The following PACRG variants were observed in gnomAD, a reference collection of about 807,000 sequenced individuals.
PACRG encodes the protein parkin coregulated.
A neutral mutation model predicts 29.7 loss-of-function variants in PACRG; 29 were observed. The observed-to-expected ratio is 0.98, with a 90% CI of 0.73 to 1.33. The LOEUF is 1.33. PACRG is among the 40% of genes most tolerant of loss of function. The probability of loss-of-function intolerance (pLI) is 0.00; values close to 1 mark genes in which losing one functional copy is unlikely to be tolerated. For synonymous variants in PACRG, 116 were observed against 118.7 expected (o/e 0.98, Z 0.15); for missense variants, 279 against 316.2 (o/e 0.88, Z 0.89).
upstream of PACRG, chr6:162,727,751 T>C (rs968685704): frequency 4.2e-6 from 6 of 1,429,706 alleles, no homozygotes; most frequent in Middle Eastern, 1.8e-4. Context: ...CCAGCGGCTC[T>C]CCTGGGTTAA....
At chr6:163,133,974 T>G (rs1170130686) in intron 4 of PACRG, among the ~76,000 whole-genome samples, 2 of 152,348 alleles carry the variant, frequency 1.3e-5, no homozygotes, top group Non-Finnish European at 2.9e-5. Context: ...CTTATATATG[T>G]GCATATACAC....
chr6:163,313,382 A>T (rs1233916226), intron 4 of PACRG, among the ~76,000 whole-genome samples: 1 of 152,136 alleles, frequency 6.6e-6, no homozygotes, highest in East Asian at 1.9e-4. Flanking sequence ...AAGGATAGAA[A>T]TTTATTGTGT....
At chr6:163,083,929 G>A (rs1415848036) in intron 3 of PACRG, among the ~76,000 whole-genome samples, 1 of 151,690 alleles carries the variant, frequency 6.6e-6, no homozygotes, top group Non-Finnish European at 1.5e-5. Flanking sequence ...ATAAAATAGT[G>A]GATTTTATGC....
In PACRG at chr6:163,252,538, G is replaced by A. The variant is rs540979215; in HGVS notation, c.614-62289G>A. Among the ~76,000 whole-genome samples the A allele has an allele frequency of 1.7e-3, 261 of 152,316 alleles. 3 individuals are homozygous for A. Among genetic ancestry groups the A allele is most frequent in the Non-Finnish European group, 1.4e-3 (94 of 68,026 alleles). On this transcript the variant is annotated intron_variant, in intron 4 of 4. Transcript: ENST00000366888. ...CGCTGATGAGAGCCCCGCTGTGAAG[G>A]CCAGAGGGGCAGTGCTGCAGGCGGG... is the stretch of plus-strand genomic sequence containing the variant.
chr6:163,184,565 A>G (rs1454050524), intron 4 of PACRG, among the ~76,000 whole-genome samples: 1 of 152,232 alleles, frequency 6.6e-6, no homozygotes, highest in Non-Finnish European at 1.5e-5. Context: ...CGAAAAAGGA[A>G]GCACATAAAC....
intron 4 of PACRG, among the ~76,000 whole-genome samples, chr6:163,291,742 C>T (rs1784617875): frequency 1.3e-5 from 2 of 152,206 alleles, no homozygotes; most frequent in African/African-American, 4.8e-5. Flanking sequence ...TCTGGTGATT[C>T]AGAGATCAAG....
intron 2 of PACRG, among the ~76,000 whole-genome samples, chr6:162,979,830 G>A (rs552401081): frequency 6.6e-6 from 1 of 152,022 alleles, no homozygotes; most frequent in African/African-American, 2.4e-5. Flanking sequence ...AAAGTTTAAT[G>A]TGCTTTCTAT....
At chr6:163,045,621 C>CT (rs11326242) in intron 2 of PACRG, among the ~76,000 whole-genome samples, 4,630 of 105,826 alleles carry the variant, frequency 0.044, 198 homozygotes, top group African/African-American at 0.1. Flanking sequence ...CTGCGCCCAG[C>CT]TTTTTTTTTT....
chr6:163,296,444 G>A (rs1037398859), intron 4 of PACRG, among the ~76,000 whole-genome samples: 26 of 152,192 alleles, frequency 1.7e-4, no homozygotes, highest in African/African-American at 5.5e-4. Context: ...ACAGGCACCC[G>A]CCACCACGCC....
At chr6:162,812,731 C>T (rs1786989357) in intron 1 of PACRG, among the ~76,000 whole-genome samples, 1 of 152,020 alleles carries the variant, frequency 6.6e-6, no homozygotes, top group African/African-American at 2.4e-5. Flanking sequence ...ATGTAGCCTC[C>T]AGCTTAAAGA....
intron 1 of PACRG, among the ~76,000 whole-genome samples, chr6:162,737,528 TTG>T (rs1780258918): frequency 6.6e-6 from 1 of 152,180 alleles, no homozygotes; most frequent in Non-Finnish European, 1.5e-5. Flanking sequence ...CTTTTTCTTT[TTG>T]TGTGTTTCAT....
chr6:162,994,739 C>G (rs922679529), intron 2 of PACRG, among the ~76,000 whole-genome samples: 1 of 149,240 alleles, frequency 6.7e-6, no homozygotes, highest in Admixed American at 6.6e-5. Flanking sequence ...CTTCTCTCAG[C>G]TCGTCAAAGT....
At chr6:162,989,572 G>A (rs1055903463) in intron 2 of PACRG, among the ~76,000 whole-genome samples, 5 of 152,062 alleles carry the variant, frequency 3.3e-5, no homozygotes, top group African/African-American at 9.7e-5. Flanking sequence ...TTGTTACATT[G>A]TGTTGTTTAG....
chr6:162,922,454 T>A (rs1161689766), intron 2 of PACRG, among the ~76,000 whole-genome samples: 1 of 151,876 alleles, frequency 6.6e-6, no homozygotes, highest in Non-Finnish European at 1.5e-5. Flanking sequence ...TTCTTTTACC[T>A]TTTGTAAATA....
intron 4 of PACRG, among the ~76,000 whole-genome samples, chr6:163,300,399 A>C (rs1784943895): frequency 6.6e-6 from 1 of 152,200 alleles, no homozygotes; most frequent in South Asian, 2.1e-4. Context: ...CCAACGTAGC[A>C]ATCTATGCAG....
At chr6:163,118,277 C>A (rs995332386) in intron 4 of PACRG, among the ~76,000 whole-genome samples, 5 of 152,198 alleles carry the variant, frequency 3.3e-5, no homozygotes, top group African/African-American at 1.2e-4. Context: ...CAGCGTATCA[C>A]CTGCTTCTGA....
chr6:162,914,510 T>G (rs1208348148), intron 2 of PACRG, among the ~76,000 whole-genome samples: 3 of 17,774 alleles, frequency 1.7e-4, no homozygotes, highest in Middle Eastern at 0.036. Flanking sequence ...ACTTTTTTGT[T>G]TTTTTTTTTT....
Position 162,812,704 on chromosome 6 carries a change from C to T in PACRG, c.157-1443C>T, listed in dbSNP as rs115865777. On this transcript the variant is annotated intron_variant, in intron 1 of 4. Coordinates refer to ENST00000366888, the MANE Select transcript of PACRG (RefSeq NM_001080379.2). ...TACAGTTTCCATGATAGTAATATAG[C>T]TAAAACTGTTCTTTTTATGTAGCCT... Among the ~76,000 whole-genome samples, 575 of 152,142 alleles carry T rather than the reference C, an allele frequency of 3.8e-3. 4 individuals are homozygous for T. The highest frequency in any genetic ancestry group is 0.013 in the African/African-American group (559 of 41,554).
At chr6:163,143,705 T>A (rs949333839) in intron 4 of PACRG, among the ~76,000 whole-genome samples, 3 of 151,978 alleles carry the variant, frequency 2.0e-5, no homozygotes, top group Non-Finnish European at 4.4e-5. Context: ...TTGGTCACCA[T>A]GTGTGGCTGA....
Sources: gnomAD v4.1 joint callset for allele counts (sites outside exome capture counted in the v4.1 genomes callset) on GRCh38, gnomAD v4.1.1 for gene constraint, MANE v1.5 for transcripts, NCBI Gene and HGNC (gene_info 2026-07-23, HGNC 2026-07-21) for gene names.